UBXN7: variants seen among roughly 807,000 people sequenced by gnomAD.
The protein encoded by UBXN7 is UBX domain protein 7, also known as UBX domain-containing protein 7.
In UBXN7, 9 loss-of-function variants were observed where a neutral mutation model predicts 58.0. The ratio of observed to expected loss-of-function variants is 0.16; its 90% confidence interval spans 0.09 to 0.27. The LOEUF (loss-of-function observed/expected upper bound fraction) is 0.27, where lower values mean the gene tolerates loss of function less well. Ranked by LOEUF, UBXN7 falls within the 10% of genes least tolerant of loss-of-function variation. The pLI is 1.00. For synonymous variants in UBXN7, 208 were observed against 205.0 expected, an observed-to-expected ratio of 1.01 and a Z score of -0.12; for missense variants, 328 against 599.6, an observed-to-expected ratio of 0.55 and a Z score of 4.73.
rs776837426 is a variant in UBXN7, at chr3:196,355,478, T to C, written c.*1207A>G. 10 of 152,182 alleles carry C rather than the reference T, an allele frequency of 6.6e-5. No individual in the cohort carries two copies. The highest frequency in any genetic ancestry group is 1.5e-4 in the Non-Finnish European group (10 of 68,036). 9.4% of individuals were successfully genotyped at this position (152,182 alleles called of 1,614,324 possible). ...TGAAAATTACTAGTAACCTCCGCCA[T>C]CCTCCTTACTAAATGTTGTCTTCTG... is the stretch of plus-strand genomic sequence containing the variant. On this transcript the variant is annotated 3_prime_UTR_variant, in exon 11 of 11. Transcript: ENST00000296328.
At chr3:196,426,575 G>A (rs1023709923) in intron 1 of UBXN7, among the ~76,000 whole-genome samples, 2 of 151,900 alleles carry the variant, frequency 1.3e-5, no homozygotes, top group East Asian at 1.9e-4. Flanking sequence ...GAGGCCAGGC[G>A]CGGTGGTTCA....
chr3:196,431,808 G>A, intron 1 of UBXN7: 1 of 414,544 alleles, frequency 2.4e-6, no homozygotes. Context: ...AGGCGGGAGG[G>A]CCCGAACCCG....
chr3:196,395,611 T>TTTTG (rs768251850), intron 3 of UBXN7, among the ~76,000 whole-genome samples: 26 of 151,782 alleles, frequency 1.7e-4, no homozygotes, highest in Admixed American at 3.9e-4. Context: ...TGTTCAGTTT[T>TTTTG]TTTGTTTGTT....
rs371602504 is a variant in UBXN7, at chr3:196,432,358, C to T, written c.42G>A (p.Lys14=). The change falls in exon 1 of 11, where the codon AAG becomes AAA. Residue 14 remains lysine (K), a synonymous_variant. Coordinates refer to ENST00000296328, the MANE Select transcript of UBXN7 (RefSeq NM_015562.2). ...HGGSAASSAL[K]GLIQQFTTIT... is the part of the protein sequence containing the mutation. ...TGGTGGTGAACTGTTGAATTAACCC[C>T]TTCAGCGCCGAGGACGCCGCGGAGC... 2.2e-5 allele frequency: 35 copies of T among 1,600,452 alleles called. No homozygotes were observed. The African/African-American group carries it at 4.4e-4, about 20-fold the overall frequency.
chr3:196,423,408 G>A (rs565706517), intron 1 of UBXN7: 5 of 268,346 alleles, frequency 1.9e-5, no homozygotes, highest in African/African-American at 9.2e-5. Flanking sequence ...CCTCTGTGGA[G>A]CTGGCCCCCT....
intron 1 of UBXN7, chr3:196,414,602 G>C (rs1730424844): frequency 6.6e-6 from 1 of 152,106 alleles, no homozygotes; most frequent in Non-Finnish European, 1.5e-5. Context: ...CCCTATCTTT[G>C]CATGATTTGG....
At chr3:196,399,887 TCAC>T (rs954571573) in intron 3 of UBXN7, 3 of 152,306 alleles carry the variant, frequency 2.0e-5, no homozygotes, top group African/African-American at 7.2e-5. Context: ...AGTCTAAATG[TCAC>T]CACAATGAAA....
intron 1 of UBXN7, among the ~76,000 whole-genome samples, chr3:196,429,137 A>G (rs988317268): frequency 1.3e-5 from 2 of 152,026 alleles, no homozygotes; most frequent in Admixed American, 1.3e-4. Flanking sequence ...ACCATCCCAG[A>G]TAACACGGTG....
chr3:196,431,487 A>T (rs1171038926), intron 1 of UBXN7: 1 of 155,810 alleles, frequency 6.4e-6, no homozygotes, highest in Non-Finnish European at 1.4e-5. Context: ...AAAGGGAGAG[A>T]ACCTAGGCCT....
chr3:196,406,758 T>A (rs1019201682), intron 2 of UBXN7, among the ~76,000 whole-genome samples: 6 of 152,200 alleles, frequency 3.9e-5, no homozygotes, highest in Non-Finnish European at 8.8e-5. Flanking sequence ...TTCAAGCATT[T>A]TTCATAGCAA....
intron 5 of UBXN7, among the ~76,000 whole-genome samples, chr3:196,391,110 C>A (rs781512644): frequency 6.6e-6 from 1 of 151,970 alleles, no homozygotes; most frequent in African/African-American, 2.4e-5. Flanking sequence ...CATTACGATC[C>A]GCACAGAAAT....
Position 196,353,055 on chromosome 3 carries a change from T to C in UBXN7, c.*3630A>G, listed in dbSNP as rs1247282244. On this transcript the variant is annotated 3_prime_UTR_variant, in exon 11 of 11. Coordinates refer to ENST00000296328, the MANE Select transcript of UBXN7 (RefSeq NM_015562.2). Reference sequence around the variant, plus strand: ...AAATAATGGCATAAATAAAAATGTATAGGCATAGTGCAAATCCCACAACTT... The same window carrying C: ...AAATAATGGCATAAATAAAAATGTACAGGCATAGTGCAAATCCCACAACTT... 6.6e-6 allele frequency: 1 copy of C among 152,194 alleles called. No homozygotes were observed. Among genetic ancestry groups the C allele is most frequent in the Non-Finnish European group, 1.5e-5 (1 of 68,036 alleles). 9.4% of individuals were successfully genotyped at this position (152,194 alleles called of 1,614,324 possible).
chr3:196,405,337 G>A (rs956024981), intron 2 of UBXN7, among the ~76,000 whole-genome samples: 3 of 151,784 alleles, frequency 2.0e-5, no homozygotes, highest in Non-Finnish European at 4.4e-5. Context: ...GGGCGTGGTG[G>A]AGTGTACCAG....
intron 1 of UBXN7, among the ~76,000 whole-genome samples, chr3:196,412,500 C>A (rs1730364426): frequency 6.6e-6 from 1 of 152,024 alleles, no homozygotes. Flanking sequence ...TAAAATGGTA[C>A]AACGAGGGTG....
At chr3:196,376,571 A>C (rs1223008753) in intron 5 of UBXN7, among the ~76,000 whole-genome samples, 22 of 150,274 alleles carry the variant, frequency 1.5e-4, no homozygotes, top group Admixed American at 1.5e-3. Context: ...AAAAAAAAGA[A>C]AAGAAAAGAA....
intron 6 of UBXN7, among the ~76,000 whole-genome samples, chr3:196,370,995 G>A (rs1728817313): frequency 1.3e-5 from 2 of 152,262 alleles, no homozygotes; most frequent in South Asian, 2.1e-4. Flanking sequence ...CTGCATTGCA[G>A]CCTGGGTGAC....
At chr3:196,408,955 T>C (rs1488786442) in intron 1 of UBXN7, among the ~76,000 whole-genome samples, 1 of 152,154 alleles carries the variant, frequency 6.6e-6, no homozygotes, top group Non-Finnish European at 1.5e-5. Context: ...TTCTGAAAAA[T>C]TCCCAGTGAT....
intron 7 of UBXN7, among the ~76,000 whole-genome samples, 173 bp downstream of exon 7, chr3:196,369,248 C>T (rs1336495493): frequency 6.6e-6 from 1 of 152,094 alleles, no homozygotes; most frequent in Non-Finnish European, 1.5e-5. Flanking sequence ...AAAAAGATGT[C>T]CTAAATACAT....
chr3:196,362,478 T>C lies in UBXN7; in HGVS notation c.1044A>G (p.Arg348=). The change falls in exon 9 of 11, where the codon AGA becomes AGG. Residue 348 remains arginine (R), a synonymous_variant. Transcript: ENST00000296328. ...EEEVENLAKS[R]KSPHKDLGHR... is the part of the protein sequence containing the mutation. ...GCCCCAAATCTTTGTGGGGAGACTT[T>C]CTGGACTTGGCAAGATTCTCTACCT... is the stretch of plus-strand genomic sequence containing the variant. 2 of 1,614,170 alleles carry C rather than the reference T, an allele frequency of 1.2e-6. No homozygotes were observed. Among genetic ancestry groups the C allele is most frequent in the Non-Finnish European group, 1.7e-6 (2 of 1,180,024 alleles).
Sources: allele counts gnomAD v4.1 joint callset (sites outside exome capture counted in the v4.1 genomes callset), GRCh38; gene constraint gnomAD v4.1.1; transcripts MANE v1.5; gene names NCBI Gene and HGNC (gene_info 2026-07-23, HGNC 2026-07-21).